Variants in DPYD observed in about 807,000 individuals in gnomAD.
DPYD encodes dihydropyrimidine dehydrogenase, also known as dihydropyrimidine dehydrogenase [NADP(+)].
A neutral mutation model predicts 116.2 loss-of-function variants in DPYD; 109 were observed. That is an observed-to-expected ratio of 0.94 (90% CI 0.80 to 1.10). The LOEUF (loss-of-function observed/expected upper bound fraction) is 1.10. Ranked by LOEUF, DPYD falls within the 50% of genes least tolerant of loss-of-function variation. DPYD has a pLI of 0.00. For synonymous variants in DPYD, 440 were observed against 432.0 expected (o/e 1.02, Z -0.23); for missense variants, 1,302 against 1,254.5 (o/e 1.04, Z -0.57).
intron 18 of DPYD, among the ~76,000 whole-genome samples, chr1:97,294,324 T>G (rs1435353347): frequency 6.6e-6 from 1 of 152,202 alleles, no homozygotes; most frequent in Admixed American, 6.5e-5. Flanking sequence ...ATCGTTTTGT[T>G]GTAAACCAGG....
chr1:97,561,786 A>T (rs1460364853), intron 11 of DPYD, among the ~76,000 whole-genome samples: 1 of 152,188 alleles, frequency 6.6e-6, no homozygotes, highest in Non-Finnish European at 1.5e-5. Flanking sequence ...GTATTCATCC[A>T]GCCTGTTTAC....
At chr1:97,705,292 CCAA>C (rs749656443) in intron 5 of DPYD, among the ~76,000 whole-genome samples, 4 of 152,082 alleles carry the variant, frequency 2.6e-5, no homozygotes, top group African/African-American at 7.2e-5. Flanking sequence ...CTCCCCCCAA[CCAA>C]CAACAGTCCC....
chr1:97,772,094 G>T (rs1487887458), intron 3 of DPYD, among the ~76,000 whole-genome samples: 1 of 152,072 alleles, frequency 6.6e-6, no homozygotes, highest in East Asian at 1.9e-4. Context: ...TCTGCCCAAT[G>T]ATGTTGTCTT....
intron 3 of DPYD, among the ~76,000 whole-genome samples, chr1:97,761,797 T>G (rs910562946): frequency 6.6e-6 from 1 of 152,092 alleles, no homozygotes; most frequent in Non-Finnish European, 1.5e-5. Flanking sequence ...CAGTGTTATA[T>G]ATACACACCA....
chr1:97,109,067 C>T (rs1457560238), intron 20 of DPYD, among the ~76,000 whole-genome samples: 3 of 152,100 alleles, frequency 2.0e-5, no homozygotes, highest in Non-Finnish European at 4.4e-5. Context: ...CAATTTTCAT[C>T]TGTATAAAAC....
rs1313170872 is a variant in DPYD at position 97,491,448 on chromosome 1, C to T, written c.1740+24278G>A. Among the ~76,000 whole-genome samples, 5 of 151,940 alleles carry T rather than the reference C, an allele frequency of 3.3e-5. 1 individual carries two copies. Among genetic ancestry groups the T allele is most frequent in the South Asian group, 4.2e-4 (2 of 4,810 alleles). Reference sequence around the variant, plus strand: ...AAATAACTAATTTTTGTATATACTACGTAACCATGAGGGCTCACTGCTTTT... The same window carrying T: ...AAATAACTAATTTTTGTATATACTATGTAACCATGAGGGCTCACTGCTTTT... On this transcript the variant is annotated intron_variant, in intron 13 of 22. Coordinates refer to ENST00000370192, the MANE Select transcript of DPYD (RefSeq NM_000110.4).
At chr1:97,242,548 T>C (rs1485305020) in intron 18 of DPYD, among the ~76,000 whole-genome samples, 1 of 151,692 alleles carries the variant, frequency 6.6e-6, no homozygotes, top group Non-Finnish European at 1.5e-5. Context: ...GGGTGAGTCC[T>C]GCAGTAAAGG....
intron 16 of DPYD, among the ~76,000 whole-genome samples, chr1:97,324,453 GA>G (rs1234684371): frequency 1.3e-5 from 2 of 152,004 alleles, no homozygotes; most frequent in Admixed American, 6.6e-5. Context: ...AGGTAGCCAG[GA>G]CACACACTTT....
At chr1:97,544,532 G>C (rs953361428) in intron 12 of DPYD, among the ~76,000 whole-genome samples, 3 of 151,768 alleles carry the variant, frequency 2.0e-5, no homozygotes, top group African/African-American at 7.3e-5. Flanking sequence ...ATAGCTAAAG[G>C]TCTGTTTCTC....
intron 3 of DPYD, among the ~76,000 whole-genome samples, chr1:97,823,659 A>G (rs1462471933): frequency 1.3e-5 from 2 of 152,090 alleles, no homozygotes; most frequent in African/African-American, 4.8e-5. Flanking sequence ...ATTTTCTTGC[A>G]AATGACGGAA....
chr1:97,453,607 G>A (rs1304183178), intron 13 of DPYD, among the ~76,000 whole-genome samples: 1 of 151,990 alleles, frequency 6.6e-6, no homozygotes, highest in East Asian at 1.9e-4. Flanking sequence ...GGATCAATAA[G>A]CTGACAATAT....
intron 16 of DPYD, among the ~76,000 whole-genome samples, chr1:97,344,753 T>G (rs976815467): frequency 6.6e-6 from 1 of 151,904 alleles, no homozygotes; most frequent in Admixed American, 6.6e-5. Context: ...AGGATGGACA[T>G]TTGTCTCCAG....
At chr1:97,206,013 T>C (rs934913233) in intron 19 of DPYD, among the ~76,000 whole-genome samples, 7 of 152,064 alleles carry the variant, frequency 4.6e-5, no homozygotes, top group African/African-American at 1.7e-4. Context: ...GGGCTTGCTC[T>C]GCTGTCCCAC....
intron 12 of DPYD, chr1:97,546,928 G>C: frequency 6.2e-7 from 1 of 1,607,356 alleles, no homozygotes; most frequent in Non-Finnish European, 8.5e-7. Flanking sequence ...AGATAGCTTT[G>C]AGGAAGAAGA....
At chr1:97,491,700 T>A (rs545880765) in intron 13 of DPYD, among the ~76,000 whole-genome samples, 2 of 152,102 alleles carry the variant, frequency 1.3e-5, no homozygotes, top group Admixed American at 1.3e-4. Flanking sequence ...ATAAACAATA[T>A]GAAAATATTT....
chr1:97,827,602 T>C (rs935910753), intron 3 of DPYD, among the ~76,000 whole-genome samples: 1 of 152,090 alleles, frequency 6.6e-6, no homozygotes, highest in Non-Finnish European at 1.5e-5. Context: ...AGGCTCATTA[T>C]AGACCACTAT....
At chr1:97,196,604 T>TA (rs1658831549) in intron 19 of DPYD, among the ~76,000 whole-genome samples, 1 of 152,192 alleles carries the variant, frequency 6.6e-6, no homozygotes, top group African/African-American at 2.4e-5. Context: ...GGCCAGGCAC[T>TA]TTGTTAGCAC....
At chr1:97,359,371 T>G (rs563659417) in intron 16 of DPYD, among the ~76,000 whole-genome samples, 3 of 152,178 alleles carry the variant, frequency 2.0e-5, no homozygotes, top group African/African-American at 7.2e-5. Context: ...TGGAACCAAG[T>G]TGGAAAACAC....
intron 8 of DPYD, among the ~76,000 whole-genome samples, chr1:97,626,237 G>C (rs1390665366): frequency 1.3e-5 from 2 of 151,552 alleles, no homozygotes; most frequent in Non-Finnish European, 2.9e-5. Context: ...TAAATCAATG[G>C]GAAAAAAATG....
Sources: gnomAD v4.1 joint callset for allele counts (sites outside exome capture counted in the v4.1 genomes callset) on GRCh38, gnomAD v4.1.1 for gene constraint, MANE v1.5 for transcripts, NCBI Gene and HGNC (gene_info 2026-07-23, HGNC 2026-07-21) for gene names.